Variants in RHOU observed in about 807,000 individuals in gnomAD.
RHOU encodes the protein ras homolog family member U.
RHOU carries 8 observed loss-of-function variants against 12.6 expected under a neutral mutation model. That is an observed-to-expected ratio of 0.64 (90% CI 0.37 to 1.15). The LOEUF (loss-of-function observed/expected upper bound fraction) is 1.15, where lower values mean the gene tolerates loss of function less well. RHOU is among the 50% of genes most tolerant of loss of function. The pLI is 0.01. For missense variants in RHOU, 258 were observed against 347.0 expected, an observed-to-expected ratio of 0.74 and a Z score of 2.04; for synonymous variants, 161 against 147.4, an observed-to-expected ratio of 1.09 and a Z score of -0.67.
At chr1:228,707,206 C>CAT in the RHOU span, among the ~76,000 whole-genome samples, 10 of 42,982 alleles carry the variant, frequency 2.3e-4, no homozygotes, top group Admixed American at 5.0e-4. Flanking sequence ...CATATATATA[C>CAT]ATATATATAT....
the RHOU span, among the ~76,000 whole-genome samples, chr1:228,689,457 T>C: frequency 2.6e-5 from 4 of 152,166 alleles, no homozygotes; most frequent in African/African-American, 9.7e-5. Context: ...ATGGAAACTG[T>C]CTGCTGACTG....
the RHOU span, among the ~76,000 whole-genome samples, chr1:228,649,756 A>G: frequency 4.3e-4 from 65 of 152,362 alleles, no homozygotes; most frequent in South Asian, 3.5e-3. Flanking sequence ...TAAAAGAGAC[A>G]TATTAAACTA....
chr1:228,696,553 T>A, the RHOU span, among the ~76,000 whole-genome samples: 3 of 151,974 alleles, frequency 2.0e-5, no homozygotes, highest in African/African-American at 7.3e-5. Flanking sequence ...GATATCTTTC[T>A]TTTTGTTTTT....
intron 1 of RHOU, among the ~76,000 whole-genome samples, chr1:228,736,816 T>G (rs981193077): frequency 2.7e-5 from 4 of 150,880 alleles, no homozygotes; most frequent in African/African-American, 9.7e-5. Context: ...ATGAAACACT[T>G]AACTGTCTTG....
the RHOU span, among the ~76,000 whole-genome samples, chr1:228,723,477 A>G: frequency 6.6e-6 from 1 of 152,206 alleles, no homozygotes; most frequent in Admixed American, 6.5e-5. Context: ...GCAGGGCACC[A>G]TGATGTTCTA....
the RHOU span, among the ~76,000 whole-genome samples, chr1:228,722,685 C>T: frequency 6.6e-6 from 1 of 151,498 alleles, no homozygotes; most frequent in South Asian, 2.1e-4. Flanking sequence ...TGCAGTGGCG[C>T]GATCTCAGCT....
At position 228,742,924 on chromosome 1, in the gene RHOU, T is replaced by C. The variant is rs547004300; in HGVS notation, c.322-361T>C. 5.9e-5 allele frequency among the ~76,000 whole-genome samples: 9 copies of C among 152,090 alleles called. No individual in the cohort carries two copies. The South Asian group carries it at 1.9e-3, about 32-fold the overall frequency. Reference sequence around the variant, plus strand: ...GTAGCTAAGTACCAAGAGTTGAGAGTAGGTTTGGGTTACACTCAGCTGAAG... The same window carrying C: ...GTAGCTAAGTACCAAGAGTTGAGAGCAGGTTTGGGTTACACTCAGCTGAAG... On this transcript the variant is annotated intron_variant, in intron 2 of 2. Coordinates refer to ENST00000366691, the MANE Select transcript of RHOU (RefSeq NM_021205.6).
At chr1:228,709,209 G>A in the RHOU span, among the ~76,000 whole-genome samples, 3 of 151,626 alleles carry the variant, frequency 2.0e-5, no homozygotes, top group Admixed American at 2.0e-4. Context: ...CATTAATAAT[G>A]GGAGACTTTA....
chr1:228,661,726 C>T, the RHOU span, among the ~76,000 whole-genome samples: 2 of 152,126 alleles, frequency 1.3e-5, no homozygotes, highest in African/African-American at 4.8e-5. Flanking sequence ...CATAAAAACC[C>T]TAGAAGAAAA....
In RHOU at chr1:228,737,509, C is replaced by T. The variant is rs546407653; in HGVS notation, c.263-164C>T. Among the ~76,000 whole-genome samples the T allele has an allele frequency of 6.6e-6, 1 of 152,280 alleles. No individual in the cohort carries two copies. Among genetic ancestry groups the T allele is most frequent in the Admixed American group, 6.5e-5 (1 of 15,294 alleles). ...GCCGTGGGTTTGTATACAAAAATGC[C>T]TCCACAGGGCCTCCTTGTTTTTGGC... On this transcript the variant is annotated intron_variant, in intron 1 of 2. Transcript: ENST00000366691. The surrounding 1 kb of genome is among the most constrained non-coding windows in gnomAD (Gnocchi z 4.1).
Position 228,746,481 on chromosome 1 carries a change from C to G in RHOU, c.*2741C>G, listed in dbSNP as rs1234593170. The G allele has an allele frequency of 2.0e-5, 3 of 152,132 alleles. No homozygotes were observed. The highest frequency in any genetic ancestry group is 2.0e-4 in the Admixed American group (3 of 15,272). 9.4% of individuals were successfully genotyped at this position (152,132 alleles called of 1,614,324 possible). On this transcript the variant is annotated 3_prime_UTR_variant, in exon 3 of 3. Transcript: ENST00000366691. ...AACCTTGTTCTCTGCTTGACAGACT[C>G]AAGAGAAACTACCCAGGTATTACAC...
At chr1:228,734,873 A>G (rs1355714517), upstream of RHOU, among the ~76,000 whole-genome samples, 3 of 152,236 alleles carry the variant, frequency 2.0e-5, no homozygotes, top group Non-Finnish European at 2.9e-5. Context: ...ATACATGTAT[A>G]AAGGTTCACG....
chr1:228,701,622 C>A, the RHOU span, among the ~76,000 whole-genome samples: 1 of 151,992 alleles, frequency 6.6e-6, no homozygotes, highest in African/African-American at 2.4e-5. Flanking sequence ...TTTGACCATG[C>A]AGATTTCATA....
the RHOU span, among the ~76,000 whole-genome samples, chr1:228,702,820 T>C: frequency 6.6e-6 from 1 of 152,202 alleles, no homozygotes; most frequent in South Asian, 2.1e-4. Context: ...CACAAGCAGG[T>C]CTTAAAGCTT....
rs1228391158 is a variant in RHOU at position 228,743,500 on chromosome 1, A to G, written c.537A>G (p.Lys179=). The change falls in exon 3 of 3, where the codon AAA becomes AAG. Residue 179 remains lysine, a synonymous_variant. Coordinates refer to ENST00000366691, the MANE Select transcript of RHOU (RefSeq NM_021205.6). This position sits in a 1 kb window ranked among gnomAD's most constrained non-coding sequence, Gnocchi z 5.1. ...VKVLIELDKC[K]EKPVPEEAAK... is the part of the protein sequence containing the mutation. ...TCCTCATTGAGTTGGACAAATGCAA[A>G]GAAAAGCCAGTGCCTGAAGAGGCGG... 1.2e-6 allele frequency: 2 copies of G among 1,614,238 alleles called. No homozygotes were observed. The highest frequency in any genetic ancestry group is 1.7e-6 in the Non-Finnish European group (2 of 1,180,046).
the RHOU span, among the ~76,000 whole-genome samples, chr1:228,648,238 G>T: frequency 6.6e-6 from 1 of 152,236 alleles, no homozygotes; most frequent in African/African-American, 2.4e-5. Context: ...AGAGCCTTCC[G>T]TGATTGCTTG....
the RHOU span, among the ~76,000 whole-genome samples, chr1:228,703,971 T>C: frequency 6.6e-6 from 1 of 152,134 alleles, no homozygotes; most frequent in African/African-American, 2.4e-5. Context: ...CACAAGGAAA[T>C]TCTTGGTGGA....
the RHOU span, among the ~76,000 whole-genome samples, chr1:228,722,295 G>T: frequency 6.6e-6 from 1 of 152,136 alleles, no homozygotes; most frequent in Non-Finnish European, 1.5e-5. Context: ...TAAAATGTCT[G>T]TTCTTTTCCT....
At chr1:228,721,883 C>T in the RHOU span, among the ~76,000 whole-genome samples, 2 of 152,196 alleles carry the variant, frequency 1.3e-5, no homozygotes, top group Admixed American at 6.5e-5. Context: ...CGAACCCTGA[C>T]CTCAGGTGAT....
Sources: gnomAD v4.1 joint callset for allele counts (sites outside exome capture counted in the v4.1 genomes callset) on GRCh38, gnomAD v4.1.1 for gene constraint, Gnocchi (gnomAD v3.1) non-coding constraint, MANE v1.5 for transcripts, NCBI Gene and HGNC (gene_info 2026-07-23, HGNC 2026-07-21) for gene names.